The following PPARGC1A variants were observed in gnomAD, a reference collection of about 807,000 sequenced individuals.
PPARGC1A encodes the protein peroxisome proliferator-activated receptor gamma coactivator 1-alpha.
A neutral mutation model predicts 88.7 loss-of-function variants in PPARGC1A; 25 were observed. The ratio of observed to expected loss-of-function variants is 0.28; its 90% confidence interval spans 0.21 to 0.39. The LOEUF (loss-of-function observed/expected upper bound fraction) is 0.39. PPARGC1A is among the 10% of genes least tolerant of loss of function. PPARGC1A has a pLI of 1.00. For synonymous variants in PPARGC1A, 363 were observed against 355.6 expected, an observed-to-expected ratio of 1.02 and a Z score of -0.24; for missense variants, 880 against 968.7, an observed-to-expected ratio of 0.91 and a Z score of 1.22.
the PPARGC1A span, among the ~76,000 whole-genome samples, chr4:24,455,753 C>T: frequency 6.6e-6 from 1 of 152,238 alleles, no homozygotes; most frequent in Non-Finnish European, 1.5e-5. Flanking sequence ...TGCCCTCTTG[C>T]TCTCATGCGT....
chr4:24,437,419 G>A, the PPARGC1A span, among the ~76,000 whole-genome samples: 1 of 152,142 alleles, frequency 6.6e-6, no homozygotes, highest in Admixed American at 6.5e-5. Context: ...GGGAACGGGG[G>A]GTCCTAGGGC....
chr4:24,265,603 A>G, the PPARGC1A span, among the ~76,000 whole-genome samples: 1 of 152,160 alleles, frequency 6.6e-6, no homozygotes, highest in Admixed American at 6.6e-5. Flanking sequence ...AAAAGAAAAG[A>G]AATTCCATAG....
the PPARGC1A span, among the ~76,000 whole-genome samples, chr4:24,033,408 CAG>C: frequency 6.3e-5 from 6 of 95,478 alleles, no homozygotes; most frequent in African/African-American, 2.4e-4. Context: ...TGTAGACAGA[CAG>C]ACACACACAC....
intron 10 of PPARGC1A, among the ~76,000 whole-genome samples, chr4:23,812,543 T>C (rs1257900564): frequency 6.6e-6 from 1 of 152,136 alleles, no homozygotes; most frequent in Non-Finnish European, 1.5e-5. Flanking sequence ...GAGTGAGAAA[T>C]ATACTGACTT....
chr4:24,091,519 TG>T, the PPARGC1A span: 1 of 985,322 alleles, frequency 1.0e-6, no homozygotes, highest in Non-Finnish European at 1.2e-6. Flanking sequence ...CTTCCAGCCT[TG>T]GGGAGGTCTC....
chr4:24,324,677 G>A, the PPARGC1A span, among the ~76,000 whole-genome samples: 1 of 152,132 alleles, frequency 6.6e-6, no homozygotes, highest in African/African-American at 2.4e-5. Context: ...CATCCTACAA[G>A]ATTTAAATAA....
chr4:24,391,571 A>G, the PPARGC1A span, among the ~76,000 whole-genome samples: 1 of 152,188 alleles, frequency 6.6e-6, no homozygotes, highest in Non-Finnish European at 1.5e-5. Flanking sequence ...TTGAGAATAC[A>G]TTTGTTTCTG....
the PPARGC1A span, among the ~76,000 whole-genome samples, chr4:23,985,756 A>C: frequency 5.3e-5 from 8 of 152,058 alleles, no homozygotes; most frequent in Non-Finnish European, 1.2e-4. Flanking sequence ...CTAACAAACA[A>C]GTAATTTACA....
the PPARGC1A span, among the ~76,000 whole-genome samples, chr4:23,977,661 G>A: frequency 2.6e-5 from 4 of 152,152 alleles, no homozygotes; most frequent in African/African-American, 9.7e-5. Flanking sequence ...TGCTTGTCCT[G>A]CACGTGTATC....
At chr4:23,868,170 T>C (rs374512150) in intron 2 of PPARGC1A, among the ~76,000 whole-genome samples, 1 of 152,114 alleles carries the variant, frequency 6.6e-6, no homozygotes. Flanking sequence ...ATGTCTTCAG[T>C]AGACATATAG....
the PPARGC1A span, among the ~76,000 whole-genome samples, chr4:24,287,823 G>T: frequency 5.3e-5 from 8 of 152,168 alleles, no homozygotes; most frequent in Non-Finnish European, 8.8e-5. Flanking sequence ...TTTAATAAAG[G>T]TTATATGCTC....
chr4:24,374,726 C>T, the PPARGC1A span, among the ~76,000 whole-genome samples: 3 of 152,060 alleles, frequency 2.0e-5, no homozygotes, highest in Admixed American at 2.0e-4. Flanking sequence ...CTAGAATCAA[C>T]AAGTCAGATA....
the PPARGC1A span, among the ~76,000 whole-genome samples, chr4:24,216,958 A>T: frequency 6.6e-6 from 1 of 152,198 alleles, no homozygotes; most frequent in Non-Finnish European, 1.5e-5. Flanking sequence ...ACCACATAAG[A>T]GATAACACAT....
At chr4:24,264,177 T>C in the PPARGC1A span, among the ~76,000 whole-genome samples, 1 of 152,226 alleles carries the variant, frequency 6.6e-6, no homozygotes, top group Admixed American at 6.5e-5. Context: ...AATAGTAGAC[T>C]ATCAGTAGTT....
chr4:24,137,075 C>T, the PPARGC1A span, among the ~76,000 whole-genome samples: 8 of 147,850 alleles, frequency 5.4e-5, no homozygotes, highest in African/African-American at 1.8e-4. Flanking sequence ...GATGGCACCA[C>T]TGCACTCCAG....
the PPARGC1A span, among the ~76,000 whole-genome samples, chr4:23,970,623 G>A: frequency 6.6e-6 from 1 of 152,292 alleles, no homozygotes; most frequent in African/African-American, 2.4e-5. Context: ...GAGAACAGTG[G>A]ATTCCATTCA....
At chr4:24,145,568 C>T in the PPARGC1A span, among the ~76,000 whole-genome samples, 1 of 152,160 alleles carries the variant, frequency 6.6e-6, no homozygotes, top group Admixed American at 6.5e-5. Flanking sequence ...GCAGATGCTG[C>T]CTTGGGAAAT....
At chr4:23,858,730 A>C (rs1560458612) in intron 2 of PPARGC1A, among the ~76,000 whole-genome samples, 1 of 152,214 alleles carries the variant, frequency 6.6e-6, no homozygotes, top group Non-Finnish European at 1.5e-5. Flanking sequence ...ATTGACAGTC[A>C]AATCTCACCT....
At chr4:24,175,783 A>G in the PPARGC1A span, among the ~76,000 whole-genome samples, 9 of 151,846 alleles carry the variant, frequency 5.9e-5, no homozygotes, top group African/African-American at 2.2e-4. Flanking sequence ...AATATTTTTA[A>G]AAAATATTTT....
Sources: allele counts gnomAD v4.1 joint callset (sites outside exome capture counted in the v4.1 genomes callset), GRCh38; gene constraint gnomAD v4.1.1; transcripts MANE v1.5; gene names NCBI Gene and HGNC (gene_info 2026-07-23, HGNC 2026-07-21).